PIH1D2: variants seen among roughly 807,000 people sequenced by gnomAD.
PIH1D2 encodes PIH1 domain-containing protein 2.
A neutral mutation model predicts 31.2 loss-of-function variants in PIH1D2; 25 were observed. The observed-to-expected ratio is 0.80, with a 90% confidence interval of 0.58 to 1.12. PIH1D2 has a LOEUF of 1.12. Among genes scored for constraint, PIH1D2 ranks in the 50% most tolerant of loss-of-function variants. PIH1D2 has a pLI of 0.00. For missense variants in PIH1D2, 310 were observed against 356.6 expected (o/e 0.87, Z 1.05); for synonymous variants, 116 against 119.9 (o/e 0.97, Z 0.21).
intron 5 of PIH1D2, among the ~76,000 whole-genome samples, chr11:112,069,260 T>C (rs1307850885): frequency 2.0e-5 from 3 of 151,894 alleles, no homozygotes; most frequent in Non-Finnish European, 4.4e-5. Flanking sequence ...CCCTTCGGCC[T>C]CCCAAAATCC....
In PIH1D2 at chr11:112,067,857, A is replaced by G. The variant is rs1010043696; in HGVS notation, c.*14T>C. Reference sequence around the variant, plus strand: ...CTTTAGCACTGAAAACCCAAAACATATGATGCTCTTCTTTCACACCAAAGG... The same window carrying G: ...CTTTAGCACTGAAAACCCAAAACATGTGATGCTCTTCTTTCACACCAAAGG... On this transcript the variant is annotated 3_prime_UTR_variant, in exon 6 of 6. Coordinates refer to ENST00000280350, the MANE Select transcript of PIH1D2 (RefSeq NM_138789.4). 6.8e-6 allele frequency: 11 copies of G among 1,611,512 alleles called. No individual in the cohort carries two copies. Among genetic ancestry groups the G allele is most frequent in the Admixed American group, 1.7e-5 (1 of 59,638 alleles).
intron 1 of PIH1D2, among the ~76,000 whole-genome samples, chr11:112,073,475 C>A (rs1555185124): frequency 6.6e-6 from 1 of 152,072 alleles, no homozygotes; most frequent in East Asian, 1.9e-4. Flanking sequence ...GTCTGGGTTT[C>A]CTGATCTTCT....
the PIH1D2 span, among the ~76,000 whole-genome samples, chr11:112,053,491 C>T: frequency 2.0e-5 from 3 of 151,772 alleles, no homozygotes; most frequent in Admixed American, 6.6e-5. Flanking sequence ...CTCTTTCTGT[C>T]GCCTAGGCTA....
In PIH1D2 at chr11:112,071,261, A is replaced by C. The variant is rs1555184593; in HGVS notation, c.324T>G (p.Val108=). 1 of 1,613,390 alleles carries C rather than the reference A, an allele frequency of 6.2e-7. No individual in the cohort carries two copies. The highest frequency in any genetic ancestry group is 8.5e-7 in the Non-Finnish European group (1 of 1,179,690). Reference sequence around the variant, plus strand: ...CATGAAGAACATCAGGATTGTAGGCAACATCAATGACTGTGTAAGCATCTG... The same window carrying C: ...CATGAAGAACATCAGGATTGTAGGCCACATCAATGACTGTGTAAGCATCTG... ...EISDAYTVID[V]AYNPDVLHAA... is the part of the protein sequence containing the mutation. Residue 108 remains valine, a synonymous_variant, in exon 4 of 6, where the codon GTT becomes GTG. Transcript: ENST00000280350.
chr11:112,062,431 G>T (rs201582626), downstream of PIH1D2: 46 of 1,612,500 alleles, frequency 2.9e-5, no homozygotes, highest in African/African-American at 5.6e-4. Context: ...CATGATGTCT[G>T]TTACACTCAG....
At chr11:112,058,405 G>A (rs1387344116), downstream of PIH1D2, among the ~76,000 whole-genome samples, 1 of 152,130 alleles carries the variant, frequency 6.6e-6, no homozygotes, top group African/African-American at 2.4e-5. Context: ...GCCAACTTAG[G>A]CAAATTGGGG....
At chr11:112,063,802 G>T, downstream of PIH1D2, 1 of 165,946 alleles carries the variant, frequency 6.0e-6, no homozygotes, top group Non-Finnish European at 1.3e-5. Context: ...AATGAATTGG[G>T]AACATTATCA....
Position 112,073,164 on chromosome 11 carries a change from G to C in PIH1D2, c.11C>G (p.Ser4Cys). The C allele has an allele frequency of 6.2e-7, 1 of 1,611,764 alleles. No homozygotes were observed. The highest frequency in any genetic ancestry group is 1.3e-5 in the African/African-American group (1 of 74,984). Reference sequence around the variant, plus strand: ...AACTTGGGTAAGCAGACCTTTTGAGGATGTCTCCATGACTTATGAGTGGTG... The same window carrying C: ...AACTTGGGTAAGCAGACCTTTTGAGCATGTCTCCATGACTTATGAGTGGTG... MET[S>C]SKGLLTQVTQ... The change falls in exon 2 of 6, where the codon TCC (serine) becomes TGC (cysteine). Residue 4 changes from serine (S) to cysteine (C), a missense_variant. Physicochemically the swap from Ser to Cys is moderately radical, Grantham distance 112 (BLOSUM62 -1). Coordinates refer to ENST00000280350, the MANE Select transcript of PIH1D2 (RefSeq NM_138789.4).
At chr11:112,072,899 A>AAAAAC in intron 2 of PIH1D2, 99 bp downstream of exon 2, 1 of 1,196,012 alleles carries the variant, frequency 8.4e-7, no homozygotes, top group Non-Finnish European at 1.1e-6. Flanking sequence ...CAAAAAAAAA[A>AAAAAC]CAAAAAAAAT....
chr11:112,073,366 C>A (rs1645289512), intron 1 of PIH1D2, among the ~76,000 whole-genome samples, 161 bp from the exon 2 acceptor site: 1 of 152,132 alleles, frequency 6.6e-6, no homozygotes, highest in African/African-American at 2.4e-5. Context: ...TTTCCTTATT[C>A]TTTAATTATC....
intron 2 of PIH1D2, 37 bp from the exon 3 acceptor site, chr11:112,071,795 G>C (rs782379520): frequency 5.0e-6 from 8 of 1,610,614 alleles, no homozygotes; most frequent in East Asian, 2.2e-5. Context: ...TCAAAACCTA[G>C]TTTAAAACCA....
At chr11:112,064,330 AAGTT>A (rs1333822121), downstream of PIH1D2, 5 of 934,390 alleles carry the variant, frequency 5.4e-6, no homozygotes, top group South Asian at 2.2e-5. Context: ...TGAAAGAAAA[AAGTT>A]AGAAATAGTG....
downstream of PIH1D2, among the ~76,000 whole-genome samples, chr11:112,064,881 C>T (rs180787780): frequency 2.0e-3 from 300 of 147,396 alleles, 1 homozygote; most frequent in Admixed American, 6.2e-3. Flanking sequence ...GTCTGTGTCG[C>T]CCAGGCTGGA....
At chr11:112,073,645 T>C (rs973782974) in intron 1 of PIH1D2, among the ~76,000 whole-genome samples, 1 of 152,136 alleles carries the variant, frequency 6.6e-6, no homozygotes, top group Non-Finnish European at 1.5e-5. Flanking sequence ...TAGTTCTATC[T>C]CTCACTAGCT....
intron 3 of PIH1D2, 68 bp downstream of exon 3, chr11:112,071,567 C>A: frequency 6.5e-7 from 1 of 1,531,148 alleles, no homozygotes; most frequent in South Asian, 1.2e-5. Flanking sequence ...GAAATGCTCT[C>A]AACCAAGTAA....
At chr11:112,062,313 G>C, downstream of PIH1D2, 3 of 1,358,604 alleles carry the variant, frequency 2.2e-6, no homozygotes, top group Non-Finnish European at 2.1e-6. Context: ...TACCTGGTTG[G>C]GATTATAGGG....
the PIH1D2 span, among the ~76,000 whole-genome samples, chr11:112,055,954 G>A: frequency 6.5e-4 from 82 of 125,444 alleles, 2 homozygotes; most frequent in African/African-American, 2.4e-3. Flanking sequence ...TGCAACCTCC[G>A]CCTCCCGGGT....
At chr11:112,056,973 C>T in the PIH1D2 span, among the ~76,000 whole-genome samples, 29 of 152,276 alleles carry the variant, frequency 1.9e-4, no homozygotes, top group Middle Eastern at 3.4e-3. Context: ...CACCATTTTT[C>T]CAACAGCATG....
At chr11:112,066,531 G>A (rs1043864975), downstream of PIH1D2, among the ~76,000 whole-genome samples, 13 of 151,746 alleles carry the variant, frequency 8.6e-5, no homozygotes, top group Middle Eastern at 0.01. Flanking sequence ...CCAGCTACTC[G>A]GGAGGCTGAG....
Sources: allele counts gnomAD v4.1 joint callset (sites outside exome capture counted in the v4.1 genomes callset), GRCh38; gene constraint gnomAD v4.1.1; transcripts MANE v1.5; gene names NCBI Gene and HGNC (gene_info 2026-07-23, HGNC 2026-07-21).